The following TMCC3 variants were observed in gnomAD, a reference collection of about 807,000 sequenced individuals.
TMCC3 encodes the protein transmembrane and coiled-coil domain family 3.
A neutral mutation model predicts 40.2 loss-of-function variants in TMCC3; 28 were observed. The observed-to-expected ratio is 0.70, with a 90% CI of 0.52 to 0.95. TMCC3 has a LOEUF of 0.95. TMCC3 is among the 40% of genes least tolerant of loss of function. TMCC3 has a pLI of 0.00. For missense variants in TMCC3, 554 were observed against 615.2 expected (o/e 0.90, Z 1.05); for synonymous variants, 255 against 248.5 (o/e 1.03, Z -0.25).
intron 1 of TMCC3, among the ~76,000 whole-genome samples, chr12:94,597,916 A>G (rs947057853): frequency 6.6e-6 from 1 of 152,196 alleles, no homozygotes; most frequent in Non-Finnish European, 1.5e-5. Flanking sequence ...ATAGAACATG[A>G]ACACAGAAAT....
intron 3 of TMCC3, among the ~76,000 whole-genome samples, chr12:94,573,638 G>A (rs1364456708): frequency 1.3e-5 from 2 of 152,104 alleles, no homozygotes; most frequent in African/African-American, 2.4e-5. Context: ...GGGTGCAATG[G>A]CACAGTCAGA....
chr12:94,631,010 T>C (rs2068930618), intron 1 of TMCC3, among the ~76,000 whole-genome samples: 5 of 152,220 alleles, frequency 3.3e-5, no homozygotes, highest in African/African-American at 1.2e-4. Context: ...TCCAAAGTGC[T>C]GGGATTACAT....
At chr12:94,628,161 G>A (rs1262485027) in intron 1 of TMCC3, among the ~76,000 whole-genome samples, 1 of 152,150 alleles carries the variant, frequency 6.6e-6, no homozygotes, top group African/African-American at 2.4e-5. Context: ...AAAGGTGCCC[G>A]AGTGACTCCT....
intron 1 of TMCC3, among the ~76,000 whole-genome samples, chr12:94,591,861 G>C (rs1175221012): frequency 6.6e-6 from 1 of 152,240 alleles, no homozygotes; most frequent in Non-Finnish European, 1.5e-5. Context: ...TGTCTAGCCA[G>C]AGTCAGTGAA....
rs545502579 is a variant in TMCC3 at position 94,648,595 on chromosome 12, T to C, written c.78+1758A>G. Among the ~76,000 whole-genome samples, 4 of 152,336 alleles carry C rather than the reference T, an allele frequency of 2.6e-5. No homozygotes were observed. In the South Asian group the frequency reaches 6.2e-4, roughly 24 times the overall value. On this transcript the variant is annotated intron_variant, in intron 1 of 3. Transcript: ENST00000261226. ...GACCTTTTAATAGAAAAGACTGGCG[T>C]AGACAGGCAACAGTGGCAGATGCGG...
chr12:94,571,883 T>C (rs2068531609), intron 3 of TMCC3, 146 bp from the exon 4 acceptor site: 5 of 728,272 alleles, frequency 6.9e-6, no homozygotes, highest in South Asian at 1.9e-5. Flanking sequence ...ATGATGGTGA[T>C]AGACAAAGAT....
chr12:94,644,724 C>G (rs941056642), intron 1 of TMCC3, among the ~76,000 whole-genome samples: 4 of 152,192 alleles, frequency 2.6e-5, no homozygotes, highest in African/African-American at 9.6e-5. Context: ...ACCACTTCAC[C>G]GGGTCAGTGT....
chr12:94,598,879 ACCTAAGT>A (rs1442501316), intron 1 of TMCC3: 1 of 661,740 alleles, frequency 1.5e-6, no homozygotes, highest in East Asian at 1.4e-4. Flanking sequence ...CCTTCTTAGA[ACCTAAGT>A]CTGTATTTGG....
chr12:94,593,446 GAGA>G (rs1290528124), intron 1 of TMCC3, among the ~76,000 whole-genome samples: 2 of 26,400 alleles, frequency 7.6e-5, no homozygotes, highest in African/African-American at 3.0e-4. Flanking sequence ...GAAGGAGAAG[GAGA>G]AGGAGAAGAA....
At chr12:94,626,682 G>C (rs1299786323) in intron 1 of TMCC3, among the ~76,000 whole-genome samples, 2 of 152,070 alleles carry the variant, frequency 1.3e-5, no homozygotes, top group Admixed American at 6.5e-5. Flanking sequence ...CAAGTTACAA[G>C]GATGCCACGG....
At chr12:94,583,808 C>T (rs1270188696) in intron 1 of TMCC3, among the ~76,000 whole-genome samples, 1 of 152,220 alleles carries the variant, frequency 6.6e-6, no homozygotes, top group Non-Finnish European at 1.5e-5. Context: ...CTGTAACCCT[C>T]TTTCCATGTC....
chr12:94,625,173 G>A (rs1208403243), intron 1 of TMCC3, among the ~76,000 whole-genome samples: 1 of 149,712 alleles, frequency 6.7e-6, no homozygotes, highest in Non-Finnish European at 1.5e-5. Context: ...TTTTTTTACA[G>A]AGGTTTGATT....
intron 1 of TMCC3, among the ~76,000 whole-genome samples, chr12:94,632,295 G>A (rs1377653163): frequency 1.3e-5 from 2 of 152,222 alleles, no homozygotes; most frequent in Non-Finnish European, 2.9e-5. Flanking sequence ...TTTACTGTAT[G>A]TAAATTTATC....
intron 1 of TMCC3, among the ~76,000 whole-genome samples, chr12:94,623,678 G>C (rs1299027569): frequency 1.3e-5 from 2 of 152,208 alleles, no homozygotes; most frequent in Non-Finnish European, 2.9e-5. Context: ...TACCCCTTGG[G>C]GGAATCCCGA....
intron 1 of TMCC3, among the ~76,000 whole-genome samples, chr12:94,608,750 C>T (rs139775460): frequency 2.0e-5 from 3 of 152,160 alleles, no homozygotes; most frequent in African/African-American, 4.8e-5. Context: ...GCAGAGCATG[C>T]CAAGGTCATT....
chr12:94,582,446 G>A lies in TMCC3; in HGVS notation c.171C>T (p.Gly57=). ...DTNLNFDVPD[G]ILDFHKVKLT... ...GTTTGACCTTGTGGAAGTCCAGGAT[G>A]CCATCCGGGACATCAAAGTTGAGGT... The change falls in exon 2 of 4, where the codon GGC becomes GGT. Residue 57 remains glycine, a synonymous_variant. Coordinates refer to ENST00000261226, the MANE Select transcript of TMCC3 (RefSeq NM_020698.4). 6.2e-7 allele frequency: 1 copy of A among 1,613,970 alleles called. No individual in the cohort carries two copies. The highest frequency in any genetic ancestry group is 1.1e-5 in the South Asian group (1 of 91,078).
At chr12:94,616,194 G>A (rs1161515868) in intron 1 of TMCC3, 1 of 698,014 alleles carries the variant, frequency 1.4e-6, no homozygotes, top group Non-Finnish European at 1.8e-6. Context: ...TGGGCTCTTT[G>A]TGCAGTCAGC....
chr12:94,574,152 G>T (rs2068549285), intron 3 of TMCC3, among the ~76,000 whole-genome samples: 1 of 152,168 alleles, frequency 6.6e-6, no homozygotes, highest in Non-Finnish European at 1.5e-5. Context: ...GGAGGCCGAG[G>T]CGGGTGGATC....
intron 1 of TMCC3, among the ~76,000 whole-genome samples, chr12:94,602,454 C>T (rs1355882845): frequency 6.6e-6 from 1 of 152,162 alleles, no homozygotes; most frequent in African/African-American, 2.4e-5. Flanking sequence ...TTACATTTTC[C>T]CCTTCCTTTT....
Sources: allele counts gnomAD v4.1 joint callset (sites outside exome capture counted in the v4.1 genomes callset), GRCh38; gene constraint gnomAD v4.1.1; transcripts MANE v1.5; gene names NCBI Gene and HGNC (gene_info 2026-07-23, HGNC 2026-07-21).